The following FAM234B variants were observed in gnomAD, a reference collection of about 807,000 sequenced individuals.
FAM234B encodes the protein protein FAM234B.
In FAM234B, 33 loss-of-function variants were observed where a neutral mutation model predicts 69.3. The observed-to-expected ratio is 0.48, with a 90% CI of 0.36 to 0.64. The LOEUF (loss-of-function observed/expected upper bound fraction) is 0.64. FAM234B is among the 30% of genes least tolerant of loss of function. The probability of loss-of-function intolerance (pLI) is 0.00; values close to 1 mark genes in which losing one functional copy is unlikely to be tolerated. For missense variants in FAM234B, 697 were observed against 769.7 expected (o/e 0.91, Z 1.12); for synonymous variants, 306 against 306.9 (o/e 1.00, Z 0.03).
intron 1 of FAM234B, among the ~76,000 whole-genome samples, chr12:13,045,064 T>C (rs1864791111): frequency 1.3e-5 from 2 of 152,224 alleles, no homozygotes; most frequent in Admixed American, 1.3e-4. Context: ...TGATTCCACT[T>C]GGTCAGTCTC....
intron 3 of FAM234B, among the ~76,000 whole-genome samples, chr12:13,058,973 A>G (rs556911640): frequency 3.9e-5 from 6 of 152,340 alleles, no homozygotes; most frequent in African/African-American, 1.4e-4. Context: ...ATCTTTACAC[A>G]AATACCTCTT....
rs1360905848 is a variant in FAM234B, at chr12:13,071,310, A to C, written c.1438A>C (p.Thr480Pro). ...CCGTGCTCCGTGTCACATGAAAGAA[A>C]CGCCAGCCACCTCAGCAGTTACTTC... ...SYRAPCHMKE[T>P]PATSAVTSDQ... The change falls in exon 10 of 13, where the codon ACG becomes CCG. Residue 480 changes from threonine to proline, a missense_variant. By Grantham distance (38) the Thr-to-Pro change is conservative (BLOSUM62 -1). Around this residue, in one of 3 missense-constraint regions of FAM234B, gnomAD observed 313 missense variants for 305.5 expected, o/e 1.02. Coordinates refer to ENST00000197268, the MANE Select transcript of FAM234B (RefSeq NM_020853.2). 2.5e-6 allele frequency: 4 copies of C among 1,614,100 alleles called. No individual in the cohort carries two copies. The East Asian group carries it at 8.9e-5, about 36-fold the overall frequency.
intron 9 of FAM234B, among the ~76,000 whole-genome samples, chr12:13,069,665 C>T (rs1865081514): frequency 6.6e-6 from 1 of 152,052 alleles, no homozygotes; most frequent in South Asian, 2.1e-4. Context: ...TGTGCAGAAT[C>T]ATGAGAGCAG....
At chr12:13,075,443 T>TTA (rs1195516956) in intron 10 of FAM234B, among the ~76,000 whole-genome samples, 4 of 149,006 alleles carry the variant, frequency 2.7e-5, no homozygotes, top group African/African-American at 7.4e-5. Flanking sequence ...CTTTTTTTTT[T>TTA]TTTTTATTTT....
chr12:13,061,832 G>A, intron 4 of FAM234B, 69 bp downstream of exon 4: 1 of 1,405,834 alleles, frequency 7.1e-7, no homozygotes, highest in Non-Finnish European at 9.8e-7. Context: ...ATAATCTGTT[G>A]GGTAGGGGAC....
chr12:13,068,801 G>T, intron 9 of FAM234B, 90 bp downstream of exon 9: 1 of 808,706 alleles, frequency 1.2e-6, no homozygotes. Flanking sequence ...GGAATAAAAA[G>T]AACCTAAAAT....
intron 11 of FAM234B, 78 bp downstream of exon 11, chr12:13,076,221 T>G: frequency 9.3e-7 from 1 of 1,071,966 alleles, no homozygotes; most frequent in Non-Finnish European, 1.4e-6. Flanking sequence ...ATGAGACCAT[T>G]GCCCCACCCA....
At chr12:13,066,555 G>A in intron 5 of FAM234B, 85 bp from the exon 6 acceptor site, 1 of 1,411,570 alleles carries the variant, frequency 7.1e-7, no homozygotes, top group Non-Finnish European at 9.5e-7. Flanking sequence ...TGGCTTATGA[G>A]GAGGCAGTGA....
chr12:13,046,176 G>A (rs1241498933), intron 1 of FAM234B, among the ~76,000 whole-genome samples: 3 of 96,552 alleles, frequency 3.1e-5, no homozygotes, highest in Admixed American at 1.0e-4. Flanking sequence ...CACCCTGAAC[G>A]CGCCCGATCT....
chr12:13,071,204 G>A, intron 9 of FAM234B, 37 bp from the exon 10 acceptor site: 1 of 1,608,820 alleles, frequency 6.2e-7, no homozygotes, highest in East Asian at 2.2e-5. Context: ...CTTTTTTGAG[G>A]CCTGGCCATG....
chr12:13,052,390 G>T (rs779676628), intron 1 of FAM234B, among the ~76,000 whole-genome samples: 3 of 151,818 alleles, frequency 2.0e-5, no homozygotes, highest in South Asian at 2.1e-4. Context: ...TAACTCTAGA[G>T]TTGAGAACTC....
chr12:13,061,658 G>C lies in FAM234B; in HGVS notation c.616G>C (p.Ala206Pro). Reference protein sequence around the residue: ...TLWSSLLPEEARDITCLELMP... With the variant: ...TLWSSLLPEEPRDITCLELMP... ...GTGGTCTAGTCTTCTCCCTGAGGAG[G>C]CTCGAGATATCACATGTTTGGAGCT... Residue 206 changes from alanine (A) to proline (P), a missense_variant, in exon 4 of 13, where the codon GCT (alanine) becomes CCT (proline). By Grantham distance (27) the Ala-to-Pro change is conservative (BLOSUM62 -1). Transcript: ENST00000197268. 1 of 1,614,046 alleles carries C rather than the reference G, an allele frequency of 6.2e-7. No homozygotes were observed. The highest frequency in any genetic ancestry group is 1.1e-5 in the South Asian group (1 of 91,066).
intron 5 of FAM234B, among the ~76,000 whole-genome samples, chr12:13,064,948 A>G (rs1385130747): frequency 6.6e-6 from 1 of 152,178 alleles, no homozygotes; most frequent in East Asian, 1.9e-4. Flanking sequence ...GGTCTAGAAC[A>G]TTAGTGGGAA....
chr12:13,072,796 A>G (rs924459823), intron 10 of FAM234B, among the ~76,000 whole-genome samples: 2 of 152,156 alleles, frequency 1.3e-5, no homozygotes, highest in East Asian at 1.9e-4. Flanking sequence ...ACACTTTGTA[A>G]GCACTGATAC....
intron 11 of FAM234B, among the ~76,000 whole-genome samples, chr12:13,079,487 G>A (rs1421383593): frequency 1.3e-5 from 2 of 152,216 alleles, no homozygotes; most frequent in Non-Finnish European, 2.9e-5. Flanking sequence ...TTTCGGGCTT[G>A]CTTTTCTACT....
At chr12:13,062,628 C>G in intron 4 of FAM234B, 1 of 445,062 alleles carries the variant, frequency 2.2e-6, no homozygotes, top group Non-Finnish European at 4.0e-6. Flanking sequence ...GGTGAGAAAT[C>G]ATTGCATGGA....
intron 1 of FAM234B, among the ~76,000 whole-genome samples, chr12:13,049,415 A>G (rs1332593199): frequency 6.6e-6 from 1 of 152,200 alleles, no homozygotes; most frequent in Non-Finnish European, 1.5e-5. Flanking sequence ...CCTGACCTCA[A>G]GTGATCTGCT....
At position 13,079,785 on chromosome 12, in the gene FAM234B, T is replaced by C; in HGVS notation, c.1643-4T>C. The C allele has an allele frequency of 6.2e-7, 1 of 1,603,058 alleles. No homozygotes were observed. Among genetic ancestry groups the C allele is most frequent in the African/African-American group, 1.3e-5 (1 of 74,786 alleles). ...TAACTGCTCTTGTTTTTGTCCTTCC[T>C]CAGTTGGAATTAACGACCTCTGGAA... On this transcript the variant is annotated splice_region_variant and splice_polypyrimidine_tract_variant and intron_variant, in intron 11 of 12. Transcript: ENST00000197268.
At chr12:13,046,454 T>TTTTGTTTG (rs992149504) in intron 1 of FAM234B, among the ~76,000 whole-genome samples, 1 of 151,890 alleles carries the variant, frequency 6.6e-6, no homozygotes, top group African/African-American at 2.4e-5. Flanking sequence ...TTGTTTGTTT[T>TTTTGTTTG]TTTGTTTGTT....
Sources: allele counts gnomAD v4.1 joint callset (sites outside exome capture counted in the v4.1 genomes callset), GRCh38; gene constraint gnomAD v4.1.1; regional missense constraint gnomAD v4.1.1; transcripts MANE v1.5; gene names NCBI Gene and HGNC (gene_info 2026-07-23, HGNC 2026-07-21).